TBC1D22A: variants seen among roughly 807,000 people sequenced by gnomAD.
TBC1D22A encodes the protein TBC1 domain family member 22A.
Under a neutral mutation model 60.2 loss-of-function variants are expected in TBC1D22A, and 38 were observed. The ratio of observed to expected loss-of-function variants is 0.63; its 90% CI spans 0.49 to 0.83. TBC1D22A has a LOEUF of 0.83. Ranked by LOEUF, TBC1D22A falls within the 40% of genes least tolerant of loss-of-function variation. TBC1D22A has a pLI of 0.00. For missense variants in TBC1D22A, 628 were observed against 701.0 expected (o/e 0.90, Z 1.18); for synonymous variants, 302 against 281.7 (o/e 1.07, Z -0.72).
intron 4 of TBC1D22A, among the ~76,000 whole-genome samples, chr22:46,876,342 A>G (rs573682920): frequency 3.9e-5 from 6 of 152,246 alleles, no homozygotes; most frequent in Non-Finnish European, 7.3e-5. Flanking sequence ...GCAACAGTGT[A>G]TTCTATTACA....
intron 11 of TBC1D22A, among the ~76,000 whole-genome samples, chr22:47,084,385 G>C (rs918023705): frequency 2.0e-5 from 3 of 152,196 alleles, no homozygotes; most frequent in African/African-American, 7.2e-5. Context: ...ATGTTGCTGG[G>C]TGCATCAACA....
rs2068597112 is a variant in TBC1D22A, at chr22:46,894,963, G to A, written c.900+117G>A. The A allele has an allele frequency of 1.2e-5, 12 of 1,023,114 alleles. No homozygotes were observed. The Middle Eastern group carries it at 1.5e-3, about 129-fold the overall frequency. The allele number at this position is 1,023,114 out of a possible 1,614,324, so 63.4% of individuals were successfully genotyped here. The stretch of plus-strand genomic sequence containing the variant: ...CACCCAGAAGCAAGGTTGCTGTGGT[G>A]AGCTGCCGGTGCATCTAGCCCTTGT... On this transcript the variant is annotated intron_variant, in intron 7 of 12. Transcript: ENST00000337137.
At chr22:46,981,812 G>A (rs1602788298) in intron 9 of TBC1D22A, among the ~76,000 whole-genome samples, 1 of 152,192 alleles carries the variant, frequency 6.6e-6, no homozygotes, top group African/African-American at 2.4e-5. Context: ...ACAGTAGATC[G>A]AGCAGATAAG....
intron 11 of TBC1D22A, among the ~76,000 whole-genome samples, chr22:47,064,813 T>C (rs879660557): frequency 6.6e-6 from 1 of 152,244 alleles, no homozygotes; most frequent in Admixed American, 6.5e-5. Context: ...CTGCTTTTAA[T>C]TAAATTTCAC....
At chr22:46,852,949 G>A (rs1350659750) in intron 4 of TBC1D22A, among the ~76,000 whole-genome samples, 2 of 152,328 alleles carry the variant, frequency 1.3e-5, no homozygotes, top group African/African-American at 4.8e-5. Flanking sequence ...TGGGTCCCCT[G>A]GCGCTCTTGT....
intron 8 of TBC1D22A, among the ~76,000 whole-genome samples, chr22:46,973,405 G>A (rs1050746202): frequency 6.6e-6 from 1 of 152,248 alleles, no homozygotes; most frequent in Non-Finnish European, 1.5e-5. Context: ...AGAGGGCCTG[G>A]CGCGTCAGCA....
intron 10 of TBC1D22A, among the ~76,000 whole-genome samples, chr22:47,014,896 A>T (rs2061860430): frequency 6.6e-6 from 1 of 152,224 alleles, no homozygotes; most frequent in Non-Finnish European, 1.5e-5. Flanking sequence ...GGACACGCCC[A>T]GCTACCAACA....
chr22:46,866,724 A>C (rs1051490739), intron 4 of TBC1D22A, among the ~76,000 whole-genome samples: 5 of 152,262 alleles, frequency 3.3e-5, no homozygotes, highest in Middle Eastern at 3.2e-3. Flanking sequence ...TTCTTGCCCC[A>C]GAAAGACACT....
At chr22:46,977,088 T>C (rs2074329272) in intron 9 of TBC1D22A, among the ~76,000 whole-genome samples, 1 of 152,214 alleles carries the variant, frequency 6.6e-6, no homozygotes, top group Non-Finnish European at 1.5e-5. Flanking sequence ...CTAAGAGAGA[T>C]GAAGCCCATT....
chr22:47,063,530 G>A (rs377444844), intron 11 of TBC1D22A, among the ~76,000 whole-genome samples: 3 of 152,136 alleles, frequency 2.0e-5, no homozygotes, highest in Non-Finnish European at 2.9e-5. Flanking sequence ...TACCAGCCTC[G>A]TGCCTGCTGG....
chr22:47,059,468 A>C (rs1394959275), intron 11 of TBC1D22A, among the ~76,000 whole-genome samples: 1 of 152,188 alleles, frequency 6.6e-6, no homozygotes, highest in Non-Finnish European at 1.5e-5. Flanking sequence ...TGCATGTAAA[A>C]GTTTTAAAGT....
At chr22:47,115,595 C>T (rs2066012173) in intron 12 of TBC1D22A, among the ~76,000 whole-genome samples, 1 of 152,204 alleles carries the variant, frequency 6.6e-6, no homozygotes, top group Non-Finnish European at 1.5e-5. Context: ...CTCTGTGGGT[C>T]ATTTCACAGT....
At chr22:47,164,989 T>C (rs182824308) in intron 12 of TBC1D22A, among the ~76,000 whole-genome samples, 6 of 151,926 alleles carry the variant, frequency 3.9e-5, no homozygotes, top group Admixed American at 1.3e-4. Flanking sequence ...ATTTCGGGAG[T>C]AGGAGTGACA....
chr22:47,139,174 A>G (rs2066989485), intron 12 of TBC1D22A, among the ~76,000 whole-genome samples: 1 of 152,034 alleles, frequency 6.6e-6, no homozygotes, highest in African/African-American at 2.4e-5. Context: ...TGCTTTGTTT[A>G]TGTGCTTCAG....
At chr22:47,065,134 T>A (rs2063709485) in intron 11 of TBC1D22A, among the ~76,000 whole-genome samples, 1 of 152,162 alleles carries the variant, frequency 6.6e-6, no homozygotes, top group Non-Finnish European at 1.5e-5. Context: ...TAGCTGGGAT[T>A]ACAGGTGCGT....
chr22:47,102,376 C>T (rs1446789391), intron 11 of TBC1D22A, among the ~76,000 whole-genome samples: 1 of 152,162 alleles, frequency 6.6e-6, no homozygotes, highest in Non-Finnish European at 1.5e-5. Context: ...CAGGCGTGTG[C>T]CTCTCACTGA....
intron 8 of TBC1D22A, among the ~76,000 whole-genome samples, chr22:46,941,623 G>A (rs1030719514): frequency 2.0e-5 from 3 of 146,920 alleles, no homozygotes; most frequent in East Asian, 2.0e-4. Flanking sequence ...ATATATATAC[G>A]GAATATATAT....
chr22:46,874,627 G>A (rs2147459973), intron 4 of TBC1D22A, among the ~76,000 whole-genome samples: 1 of 128,906 alleles, frequency 7.8e-6, no homozygotes, highest in South Asian at 2.5e-4. Flanking sequence ...AGGCTGGAAT[G>A]CAGTGGTGCA....
intron 11 of TBC1D22A, among the ~76,000 whole-genome samples, chr22:47,098,668 T>C (rs1339790260): frequency 2.0e-5 from 3 of 152,068 alleles, no homozygotes; most frequent in African/African-American, 4.8e-5. Flanking sequence ...TCCCCCCGAC[T>C]CCATGTGTTA....
Sources: allele counts gnomAD v4.1 joint callset (sites outside exome capture counted in the v4.1 genomes callset), GRCh38; gene constraint gnomAD v4.1.1; transcripts MANE v1.5; gene names NCBI Gene and HGNC (gene_info 2026-07-23, HGNC 2026-07-21).